The following ST6GALNAC3 variants were observed in gnomAD, a reference collection of about 807,000 sequenced individuals.
ST6GALNAC3 encodes alpha-N-acetylgalactosaminide alpha-2,6-sialyltransferase 3.
Under a neutral mutation model 32.7 loss-of-function variants are expected in ST6GALNAC3, and 25 were observed. The ratio of observed to expected loss-of-function variants is 0.76; its 90% CI spans 0.56 to 1.07. The LOEUF (loss-of-function observed/expected upper bound fraction) is 1.07. Ranked by LOEUF, ST6GALNAC3 falls within the 50% of genes least tolerant of loss-of-function variation. ST6GALNAC3 has a pLI of 0.00. For missense variants in ST6GALNAC3, 355 were observed against 382.4 expected, an observed-to-expected ratio of 0.93 and a Z score of 0.60; for synonymous variants, 129 against 133.1, an observed-to-expected ratio of 0.97 and a Z score of 0.21.
intron 3 of ST6GALNAC3, among the ~76,000 whole-genome samples, chr1:76,477,016 T>C (rs971680865): frequency 6.6e-6 from 1 of 152,134 alleles, no homozygotes; most frequent in African/African-American, 2.4e-5. Flanking sequence ...CAGGTTAGTC[T>C]TGTCTCTCTG....
At chr1:76,127,387 G>A (rs1649322577) in intron 1 of ST6GALNAC3, among the ~76,000 whole-genome samples, 1 of 152,136 alleles carries the variant, frequency 6.6e-6, no homozygotes, top group African/African-American at 2.4e-5. Context: ...ATGGTGATGA[G>A]GTGCATGGTA....
intron 2 of ST6GALNAC3, among the ~76,000 whole-genome samples, chr1:76,334,119 G>A (rs1647285733): frequency 6.7e-6 from 1 of 148,534 alleles, no homozygotes; most frequent in South Asian, 2.1e-4. Context: ...CACTGGATAA[G>A]GCTGTTCTTA....
At position 76,627,536 on chromosome 1, in the gene ST6GALNAC3, G is replaced by A. The variant is rs1289993949; in HGVS notation, c.708G>A (p.Gly236=). ...MDACYGIHVY[G]MINDTYCKTE... ...CCTGTTATGGCATTCACGTCTACGG[G>A]ATGATAAATGACACCTACTGCAAGT... is the stretch of plus-strand genomic sequence containing the variant. Residue 236 remains glycine (G), a synonymous_variant, in exon 4 of 5, where the codon GGG becomes GGA. Coordinates refer to ENST00000328299, the MANE Select transcript of ST6GALNAC3 (RefSeq NM_152996.4). 2 of 1,612,244 alleles carry A rather than the reference G, an allele frequency of 1.2e-6. No homozygotes were observed. The highest frequency in any genetic ancestry group is 1.3e-5 in the African/African-American group (1 of 74,718).
At chr1:76,352,795 G>A (rs954101585) in intron 2 of ST6GALNAC3, among the ~76,000 whole-genome samples, 14 of 151,902 alleles carry the variant, frequency 9.2e-5, no homozygotes, top group Admixed American at 1.3e-4. Flanking sequence ...ATTCCTCCTC[G>A]TTCCTATAAA....
At chr1:76,397,616 T>C (rs1007756309) in intron 2 of ST6GALNAC3, among the ~76,000 whole-genome samples, 2 of 151,978 alleles carry the variant, frequency 1.3e-5, no homozygotes, top group African/African-American at 4.8e-5. Flanking sequence ...TCAGGTGATC[T>C]GCCCACCTCA....
intron 3 of ST6GALNAC3, among the ~76,000 whole-genome samples, chr1:76,543,846 C>G (rs534115844): frequency 6.6e-6 from 1 of 152,256 alleles, no homozygotes; most frequent in East Asian, 1.9e-4. Context: ...AACAAAAATT[C>G]TTCTTAATTC....
intron 2 of ST6GALNAC3, among the ~76,000 whole-genome samples, chr1:76,409,982 T>G (rs926808049): frequency 6.6e-6 from 1 of 152,184 alleles, no homozygotes; most frequent in African/African-American, 2.4e-5. Flanking sequence ...TCTCCTTTGC[T>G]ACTCAACATG....
chr1:76,306,678 TTGGGGG>T lies in ST6GALNAC3; in HGVS notation c.19-7126_19-7121del, dbSNP rs1570761736. Among the ~76,000 whole-genome samples the T allele has an allele frequency of 5.0e-4, 6 of 12,014 alleles. No homozygotes were observed. In the East Asian group the frequency reaches 0.016, roughly 32 times the overall value. The allele number at this position is 12,014 out of a possible 152,430, so 7.9% of individuals were successfully genotyped here. A position where few individuals can be genotyped will look rare whatever the true frequency, so the allele number is the denominator to read the frequency against. Reference sequence around the variant, plus strand: ...TTTTTTCCCAAAGGAGTTTTTTTTTTTGGGGGGCGGGGGGTGCAGACATTATTGAGA... The same window carrying T: ...TTTTTTCCCAAAGGAGTTTTTTTTTTGCGGGGGGTGCAGACATTATTGAGA... On this transcript the variant is annotated intron_variant, in intron 1 of 4. Coordinates refer to ENST00000328299, the MANE Select transcript of ST6GALNAC3 (RefSeq NM_152996.4).
intron 1 of ST6GALNAC3, among the ~76,000 whole-genome samples, chr1:76,092,937 T>C (rs2100753407): frequency 6.6e-6 from 1 of 152,306 alleles, no homozygotes; most frequent in East Asian, 1.9e-4. Context: ...TCTTAAGCAC[T>C]GTCCTCCATC....
At chr1:76,117,363 C>T (rs993089153) in intron 1 of ST6GALNAC3, among the ~76,000 whole-genome samples, 2 of 152,210 alleles carry the variant, frequency 1.3e-5, no homozygotes, top group Non-Finnish European at 2.9e-5. Flanking sequence ...AGCAAAAACA[C>T]TTGGACAAGA....
intron 3 of ST6GALNAC3, among the ~76,000 whole-genome samples, chr1:76,511,674 G>C (rs1000284222): frequency 6.6e-6 from 1 of 152,178 alleles, no homozygotes; most frequent in East Asian, 1.9e-4. Flanking sequence ...AGCAGGAAAC[G>C]TCTCCCTTGT....
At chr1:76,319,349 A>C (rs1453869390) in intron 2 of ST6GALNAC3, among the ~76,000 whole-genome samples, 1 of 152,146 alleles carries the variant, frequency 6.6e-6, no homozygotes, top group Non-Finnish European at 1.5e-5. Context: ...AAAAATGAGA[A>C]CGTTTTAAAA....
At chr1:76,379,691 A>C (rs1225288515) in intron 2 of ST6GALNAC3, among the ~76,000 whole-genome samples, 2 of 152,188 alleles carry the variant, frequency 1.3e-5, no homozygotes, top group Non-Finnish European at 2.9e-5. Context: ...AAAGTGGTCA[A>C]ATTTGGCATC....
At chr1:76,226,764 C>T (rs1656095133) in intron 1 of ST6GALNAC3, among the ~76,000 whole-genome samples, 2 of 152,134 alleles carry the variant, frequency 1.3e-5, no homozygotes, top group Non-Finnish European at 2.9e-5. Flanking sequence ...ATCACAAGAA[C>T]AGAACCAAGG....
chr1:76,294,350 A>T (rs976987309), intron 1 of ST6GALNAC3, among the ~76,000 whole-genome samples: 1 of 150,706 alleles, frequency 6.6e-6, no homozygotes, highest in Admixed American at 6.6e-5. Flanking sequence ...TGGTCTGAGC[A>T]TATTTTTTAT....
chr1:76,289,819 C>T (rs898139390), intron 1 of ST6GALNAC3, among the ~76,000 whole-genome samples: 1 of 152,196 alleles, frequency 6.6e-6, no homozygotes, highest in African/African-American at 2.4e-5. Flanking sequence ...TGGTTATGTG[C>T]ACAGGGAGGG....
intron 1 of ST6GALNAC3, among the ~76,000 whole-genome samples, chr1:76,228,543 G>A (rs1656198243): frequency 6.6e-6 from 1 of 152,106 alleles, no homozygotes; most frequent in Admixed American, 6.6e-5. Flanking sequence ...ACATTTCCTT[G>A]TCTATTTTGT....
At chr1:76,201,508 T>A (rs1198694294) in intron 1 of ST6GALNAC3, among the ~76,000 whole-genome samples, 1 of 152,176 alleles carries the variant, frequency 6.6e-6, no homozygotes, top group Non-Finnish European at 1.5e-5. Flanking sequence ...AGCCAAACCA[T>A]ATCACGTTGG....
chr1:76,189,581 A>G (rs111553745), intron 1 of ST6GALNAC3, among the ~76,000 whole-genome samples: 181 of 108,402 alleles, frequency 1.7e-3, no homozygotes, highest in Non-Finnish European at 2.9e-3. Flanking sequence ...CTAATAAGAG[A>G]TCAGAAGCCA....
Sources: gnomAD v4.1 joint callset for allele counts (sites outside exome capture counted in the v4.1 genomes callset) on GRCh38, gnomAD v4.1.1 for gene constraint, MANE v1.5 for transcripts, NCBI Gene and HGNC (gene_info 2026-07-23, HGNC 2026-07-21) for gene names.